Variants in ATRNL1 observed in about 807,000 individuals in gnomAD.
ATRNL1 encodes attractin like 1, also known as attractin-like protein 1.
In ATRNL1, 95 loss-of-function variants were observed where a neutral mutation model predicts 182.7. The ratio of observed to expected loss-of-function variants is 0.52; its 90% CI spans 0.44 to 0.62. The LOEUF (loss-of-function observed/expected upper bound fraction) is 0.62, where lower values mean the gene tolerates loss of function less well. Among genes scored for constraint, ATRNL1 ranks in the 20% least tolerant of loss-of-function variants. The probability of loss-of-function intolerance (pLI) is 0.00; values close to 1 mark genes in which losing one functional copy is unlikely to be tolerated. For synonymous variants in ATRNL1, 576 were observed against 568.3 expected (o/e 1.01, Z -0.19); for missense variants, 1,471 against 1,679.5 (o/e 0.88, Z 2.17).
chr10:115,800,038 T>G (rs542925118), intron 27 of ATRNL1, among the ~76,000 whole-genome samples: 4 of 152,030 alleles, frequency 2.6e-5, no homozygotes, highest in African/African-American at 9.6e-5. Context: ...CTGACCAACA[T>G]GGAGAAACCC....
chr10:115,689,668 C>G (rs1192596117), intron 26 of ATRNL1, among the ~76,000 whole-genome samples: 6 of 152,108 alleles, frequency 3.9e-5, no homozygotes, highest in Non-Finnish European at 8.8e-5. Context: ...AGCAGTGGAC[C>G]AGGAAAGTAT....
At chr10:115,764,917 G>A (rs1044657255) in intron 27 of ATRNL1, among the ~76,000 whole-genome samples, 43 of 152,266 alleles carry the variant, frequency 2.8e-4, no homozygotes, top group South Asian at 8.3e-4. Context: ...CAGGCAATCC[G>A]CCCGCCTTGG....
At chr10:115,508,376 A>T (rs1224704074) in intron 24 of ATRNL1, among the ~76,000 whole-genome samples, 7 of 152,054 alleles carry the variant, frequency 4.6e-5, no homozygotes, top group Non-Finnish European at 8.8e-5. Flanking sequence ...CAGTGTTCAA[A>T]TGAAAAGAAT....
chr10:115,428,758 GA>G (rs1846018320), intron 21 of ATRNL1, among the ~76,000 whole-genome samples: 1 of 151,964 alleles, frequency 6.6e-6, no homozygotes, highest in South Asian at 2.1e-4. Flanking sequence ...TGGACATTGG[GA>G]TTTTTTTCTA....
At chr10:115,108,021 C>T (rs545849112) in intron 1 of ATRNL1, among the ~76,000 whole-genome samples, 2 of 152,154 alleles carry the variant, frequency 1.3e-5, no homozygotes, top group East Asian at 1.9e-4. Flanking sequence ...ATGAATAGCA[C>T]GTGACTTCCT....
intron 27 of ATRNL1, among the ~76,000 whole-genome samples, chr10:115,730,275 A>AG (rs1947754505): frequency 6.6e-6 from 1 of 150,572 alleles, no homozygotes; most frequent in African/African-American, 2.4e-5. Flanking sequence ...AAAAAAAAAA[A>AG]AAAAAAAGAG....
At chr10:115,835,081 A>C (rs1217615964) in intron 27 of ATRNL1, among the ~76,000 whole-genome samples, 2 of 152,150 alleles carry the variant, frequency 1.3e-5, no homozygotes, top group Non-Finnish European at 2.9e-5. Flanking sequence ...TTATTATTAG[A>C]GAAAAGACAT....
chr10:115,148,229 T>C (rs1455285516), intron 5 of ATRNL1, among the ~76,000 whole-genome samples: 2 of 152,206 alleles, frequency 1.3e-5, no homozygotes, highest in Admixed American at 1.3e-4. Context: ...GCCTTCTTGA[T>C]TTCTGTCTCA....
intron 27 of ATRNL1, among the ~76,000 whole-genome samples, chr10:115,820,917 T>C (rs1950279758): frequency 6.6e-6 from 1 of 152,050 alleles, no homozygotes; most frequent in Admixed American, 6.6e-5. Context: ...TGGGAGGTGA[T>C]GGGATCGTGG....
chr10:115,665,874 T>C (rs1229878150), intron 26 of ATRNL1, among the ~76,000 whole-genome samples: 8 of 152,178 alleles, frequency 5.3e-5, no homozygotes, highest in African/African-American at 1.4e-4. Context: ...CAGAAAGTGG[T>C]ACCTGTTCCT....
intron 27 of ATRNL1, among the ~76,000 whole-genome samples, chr10:115,813,622 A>G (rs1323652237): frequency 3.9e-5 from 6 of 152,310 alleles, no homozygotes; most frequent in African/African-American, 1.4e-4. Flanking sequence ...CATTTAAATA[A>G]CCTTCTCTAA....
chr10:115,312,242 A>T (rs1554928084), intron 17 of ATRNL1, among the ~76,000 whole-genome samples: 1 of 152,168 alleles, frequency 6.6e-6, no homozygotes, highest in African/African-American at 2.4e-5. Context: ...TCTGGTACAT[A>T]TTGACCTTTC....
At chr10:115,596,236 G>C (rs1485622650) in intron 26 of ATRNL1, among the ~76,000 whole-genome samples, 1 of 152,202 alleles carries the variant, frequency 6.6e-6, no homozygotes. Flanking sequence ...CTCCTGAGTA[G>C]CTGGGATTAC....
At chr10:115,813,172 A>T (rs1409693171) in intron 27 of ATRNL1, among the ~76,000 whole-genome samples, 2 of 152,162 alleles carry the variant, frequency 1.3e-5, no homozygotes, top group African/African-American at 4.8e-5. Flanking sequence ...AACATGGCAC[A>T]TGTATACATA....
At chr10:115,391,971 G>T (rs1844050951) in intron 19 of ATRNL1, among the ~76,000 whole-genome samples, 1 of 151,998 alleles carries the variant, frequency 6.6e-6, no homozygotes, top group African/African-American at 2.4e-5. Flanking sequence ...ATATATGCTG[G>T]TTTTTAAAAA....
At chr10:115,823,310 C>T (rs1555091044) in intron 27 of ATRNL1, among the ~76,000 whole-genome samples, 1 of 152,178 alleles carries the variant, frequency 6.6e-6, no homozygotes, top group Admixed American at 6.5e-5. Context: ...GACAGACCCA[C>T]AGCCAATAAC....
At chr10:115,879,119 A>T (rs987898107) in intron 28 of ATRNL1, among the ~76,000 whole-genome samples, 2 of 152,044 alleles carry the variant, frequency 1.3e-5, no homozygotes, top group East Asian at 1.9e-4. Context: ...TGTGTAACAT[A>T]GCAAGATCCT....
chr10:115,339,436 G>A (rs1040458458), intron 19 of ATRNL1, among the ~76,000 whole-genome samples: 4 of 151,678 alleles, frequency 2.6e-5, no homozygotes, highest in Admixed American at 6.6e-5. Context: ...CACTTCTTTG[G>A]TTAATTCCCA....
At chr10:115,228,030 T>C (rs1240420637) in intron 9 of ATRNL1, among the ~76,000 whole-genome samples, 1 of 152,164 alleles carries the variant, frequency 6.6e-6, no homozygotes, top group African/African-American at 2.4e-5. Flanking sequence ...AAGATTTTTA[T>C]ACTTTTGGCA....
Sources: gnomAD v4.1 joint callset for allele counts (sites outside exome capture counted in the v4.1 genomes callset) on GRCh38, gnomAD v4.1.1 for gene constraint, MANE v1.5 for transcripts, NCBI Gene and HGNC (gene_info 2026-07-23, HGNC 2026-07-21) for gene names.